Variants in ICOS observed in about 807,000 individuals in gnomAD.
The protein encoded by ICOS is inducible T-cell costimulator.
A neutral mutation model predicts 24.6 loss-of-function variants in ICOS; 15 were observed. The observed-to-expected ratio is 0.61, with a 90% CI of 0.41 to 0.94. ICOS has a LOEUF of 0.94. Ranked by LOEUF, ICOS falls within the 40% of genes least tolerant of loss-of-function variation. The pLI, the probability that ICOS is intolerant of heterozygous loss-of-function variation, is 0.00. For synonymous variants in ICOS, 89 were observed against 77.5 expected, an observed-to-expected ratio of 1.15 and a Z score of -0.78; for missense variants, 200 against 233.0, an observed-to-expected ratio of 0.86 and a Z score of 0.92.
At chr2:203,952,673 A>G (rs1408910903) in intron 1 of ICOS, among the ~76,000 whole-genome samples, 3 of 152,102 alleles carry the variant, frequency 2.0e-5, no homozygotes, top group Non-Finnish European at 4.4e-5. Flanking sequence ...TTTAAATCTC[A>G]GTGCATTTTT....
chr2:203,941,888 A>G (rs551448464), intron 1 of ICOS, among the ~76,000 whole-genome samples: 2 of 152,336 alleles, frequency 1.3e-5, no homozygotes, highest in East Asian at 3.9e-4. Flanking sequence ...AAGGTTGACC[A>G]AAACAGGTAA....
intron 4 of ICOS, among the ~76,000 whole-genome samples, chr2:203,958,211 C>T (rs2105755863): frequency 6.6e-6 from 1 of 152,270 alleles, no homozygotes; most frequent in African/African-American, 2.4e-5. Flanking sequence ...AGGGTTCATT[C>T]AGTCATTCAA....
Position 203,960,602 on chromosome 2 carries a change from T to C in ICOS, c.*1003T>C, listed in dbSNP as rs957389507. 2.0e-5 allele frequency: 3 copies of C among 152,242 alleles called. No individual in the cohort carries two copies. The highest frequency in any genetic ancestry group is 7.2e-5 in the African/African-American group (3 of 41,456). 9.4% of individuals were successfully genotyped at this position (152,242 alleles called of 1,614,324 possible). The stretch of plus-strand genomic sequence containing the variant: ...CATATTAAAATTGCAAACAAAATCA[T>C]CTTTAATGGGCCAGCATTCTCATGG... On this transcript the variant is annotated 3_prime_UTR_variant, in exon 5 of 5. Coordinates refer to ENST00000316386, the MANE Select transcript of ICOS (RefSeq NM_012092.4).
At chr2:203,944,212 C>G (rs1288382389) in intron 1 of ICOS, among the ~76,000 whole-genome samples, 1 of 152,206 alleles carries the variant, frequency 6.6e-6, no homozygotes, top group Non-Finnish European at 1.5e-5. Context: ...AATTCCTTCT[C>G]CCTGTGGAGT....
rs553982271 is a variant in ICOS at position 203,954,578 on chromosome 2, A to G, written c.59-1058A>G. The stretch of plus-strand genomic sequence containing the variant: ...CACTGTAGCCTGGGGAACAGAGTAA[A>G]CCCTTTTCTCTGAAAAGAAAAGAAA... On this transcript the variant is annotated intron_variant, in intron 1 of 4. Transcript: ENST00000316386. 2.0e-5 allele frequency among the ~76,000 whole-genome samples: 3 copies of G among 151,918 alleles called. No individual in the cohort carries two copies. The East Asian group carries it at 5.8e-4, about 29-fold the overall frequency.
At chr2:203,950,786 G>A (rs533264217) in intron 1 of ICOS, among the ~76,000 whole-genome samples, 12 of 152,210 alleles carry the variant, frequency 7.9e-5, no homozygotes, top group African/African-American at 2.7e-4. Context: ...TCCAGGCCAG[G>A]TGCGGTGGCT....
intron 1 of ICOS, among the ~76,000 whole-genome samples, chr2:203,942,169 T>G (rs1269001962): frequency 6.6e-6 from 1 of 152,182 alleles, no homozygotes; most frequent in African/African-American, 2.4e-5. Context: ...AAATAGATTT[T>G]TTTTACAGCC....
chr2:203,958,781 C>CA (rs112556663), intron 4 of ICOS, among the ~76,000 whole-genome samples: 3 of 151,852 alleles, frequency 2.0e-5, no homozygotes, highest in South Asian at 2.1e-4. Context: ...CAGTTAATAC[C>CA]TAGCTTTGAC....
chr2:203,961,462 T>G lies in ICOS; in HGVS notation c.*1863T>G, dbSNP rs997748353. The G allele has an allele frequency of 6.4e-6, 1 of 156,278 alleles. No homozygotes were observed. Among genetic ancestry groups the G allele is most frequent in the Non-Finnish European group, 1.4e-5 (1 of 70,554 alleles). The allele number at this position is 156,278 out of a possible 1,614,324, so 9.7% of individuals were successfully genotyped here. ...GCATGGGACACCTCAAGATGAATAA[T>G]AATTCACAAAATTTCTGTGAAATCA... On this transcript the variant is annotated 3_prime_UTR_variant, in exon 5 of 5. Transcript: ENST00000316386.
At chr2:203,939,495 A>G (rs1297802633) in intron 1 of ICOS, among the ~76,000 whole-genome samples, 1 of 152,206 alleles carries the variant, frequency 6.6e-6, no homozygotes, top group Non-Finnish European at 1.5e-5. Context: ...AACAGGGACC[A>G]TATGAGTGAT....
At chr2:203,948,664 AC>A (rs1689915262) in intron 1 of ICOS, among the ~76,000 whole-genome samples, 1 of 152,192 alleles carries the variant, frequency 6.6e-6, no homozygotes, top group Non-Finnish European at 1.5e-5. Context: ...AATCAGATAA[AC>A]CAGATAATTT....
At chr2:203,944,411 G>A (rs762577645) in intron 1 of ICOS, among the ~76,000 whole-genome samples, 5 of 152,136 alleles carry the variant, frequency 3.3e-5, no homozygotes, top group African/African-American at 9.7e-5. Context: ...ACAAACAGAC[G>A]CTCAGCTTCT....
intron 1 of ICOS, among the ~76,000 whole-genome samples, chr2:203,943,213 G>C (rs983667395): frequency 3.9e-5 from 6 of 152,196 alleles, no homozygotes; most frequent in South Asian, 2.1e-4. Context: ...TGATTTTTTG[G>C]GGGTGTTGAA....
intron 3 of ICOS, among the ~76,000 whole-genome samples, chr2:203,957,259 T>C (rs1310157335): frequency 6.6e-6 from 1 of 152,088 alleles, no homozygotes; most frequent in Non-Finnish European, 1.5e-5. Context: ...GAGAAGGAAA[T>C]TGACAACTTT....
At chr2:203,943,343 G>A (rs776880950) in intron 1 of ICOS, among the ~76,000 whole-genome samples, 1 of 151,134 alleles carries the variant, frequency 6.6e-6, no homozygotes, top group Non-Finnish European at 1.5e-5. Flanking sequence ...TTTGTCCCAT[G>A]GAGTGTTCCC....
intron 1 of ICOS, among the ~76,000 whole-genome samples, chr2:203,941,915 A>G (rs187125798): frequency 6.6e-6 from 1 of 152,172 alleles, no homozygotes; most frequent in South Asian, 2.1e-4. Flanking sequence ...GCAAGTTTAG[A>G]GAGTCAGAAA....
intron 1 of ICOS, among the ~76,000 whole-genome samples, chr2:203,942,037 A>C (rs951349981): frequency 6.6e-6 from 1 of 152,222 alleles, no homozygotes; most frequent in South Asian, 2.1e-4. Context: ...ATAGACCAGG[A>C]GTTTCCATCC....
At chr2:203,937,436 C>T (rs1689674703) in intron 1 of ICOS, among the ~76,000 whole-genome samples, 1 of 152,134 alleles carries the variant, frequency 6.6e-6, no homozygotes, top group South Asian at 2.1e-4. Context: ...TTCCTAGCCC[C>T]TGTAGACCTT....
At chr2:203,959,042 A>C (rs1322297388) in intron 4 of ICOS, among the ~76,000 whole-genome samples, 1 of 152,186 alleles carries the variant, frequency 6.6e-6, no homozygotes, top group Non-Finnish European at 1.5e-5. Flanking sequence ...CAGGCCACAG[A>C]GGCCTGACTT....
Sources: allele counts gnomAD v4.1 joint callset (sites outside exome capture counted in the v4.1 genomes callset), GRCh38; gene constraint gnomAD v4.1.1; transcripts MANE v1.5; gene names NCBI Gene and HGNC (gene_info 2026-07-23, HGNC 2026-07-21).